Variants in KCNJ6 observed in about 807,000 individuals in gnomAD.
KCNJ6 encodes potassium inwardly rectifying channel subfamily J member 6.
Under a neutral mutation model 34.2 loss-of-function variants are expected in KCNJ6, and 9 were observed. The observed-to-expected ratio is 0.26, with a 90% confidence interval of 0.16 to 0.46. The LOEUF (loss-of-function observed/expected upper bound fraction) is 0.46. KCNJ6 is among the 20% of genes least tolerant of loss of function. The probability of loss-of-function intolerance (pLI) is 1.00; values close to 1 mark genes in which losing one functional copy is unlikely to be tolerated. For synonymous variants in KCNJ6, 196 were observed against 207.1 expected (o/e 0.95, Z 0.46); for missense variants, 236 against 531.3 (o/e 0.44, Z 5.46).
intron 1 of KCNJ6, among the ~76,000 whole-genome samples, chr21:37,861,454 C>T (rs774146899): frequency 3.3e-5 from 5 of 152,192 alleles, no homozygotes; most frequent in Non-Finnish European, 7.3e-5. Flanking sequence ...CATTTTACCT[C>T]TATCACTTCT....
intron 1 of KCNJ6, among the ~76,000 whole-genome samples, chr21:37,890,341 TC>T (rs979394839): frequency 6.6e-5 from 10 of 152,100 alleles, no homozygotes; most frequent in African/African-American, 2.4e-4. Context: ...TTCAATTACT[TC>T]CCACCAGGTC....
intron 2 of KCNJ6, among the ~76,000 whole-genome samples, chr21:37,773,217 G>T (rs924790707): frequency 6.6e-6 from 1 of 152,152 alleles, no homozygotes; most frequent in African/African-American, 2.4e-5. Flanking sequence ...GCTGTGAAAG[G>T]CTGGGAGGTA....
Position 37,726,690 on chromosome 21 carries a change from G to A in KCNJ6, c.26-11559C>T, listed in dbSNP as rs138071209. 2.6e-5 allele frequency among the ~76,000 whole-genome samples: 4 copies of A among 152,264 alleles called. No individual in the cohort carries two copies. The East Asian group carries it at 5.8e-4, about 22-fold the overall frequency. ...GTTGTAAGTTTCTGTGGGTGTCTTTGCTTTCTCTTTTAATTCTTCTATTTA... is the reference window on the plus strand; with the variant it reads ...GTTGTAAGTTTCTGTGGGTGTCTTTACTTTCTCTTTTAATTCTTCTATTTA... On this transcript the variant is annotated intron_variant, in intron 2 of 3. Transcript: ENST00000609713.
intron 2 of KCNJ6, among the ~76,000 whole-genome samples, chr21:37,749,396 G>T (rs565997898): frequency 4.6e-5 from 7 of 152,276 alleles, no homozygotes; most frequent in African/African-American, 1.7e-4. Flanking sequence ...CACACCCTCC[G>T]CTCGTGGACA....
rs533375252 is a variant in KCNJ6 at position 37,619,217 on chromosome 21, C to G, written c.*5942G>C. ...CCATAGAACTAAAAAGATAAGGAACCTAGCTTGGCTGACTACCTCTGGCAT... is the reference window on the plus strand; with the variant it reads ...CCATAGAACTAAAAAGATAAGGAACGTAGCTTGGCTGACTACCTCTGGCAT... On this transcript the variant is annotated 3_prime_UTR_variant, in exon 4 of 4. Coordinates refer to ENST00000609713, the MANE Select transcript of KCNJ6 (RefSeq NM_002240.5). 5.5e-4 allele frequency: 83 copies of G among 152,224 alleles called. No individual in the cohort carries two copies. Among genetic ancestry groups the G allele is most frequent in the African/African-American group, 2.0e-3 (82 of 41,532 alleles). 9.4% of individuals were successfully genotyped at this position (152,224 alleles called of 1,614,324 possible).
intron 1 of KCNJ6, among the ~76,000 whole-genome samples, chr21:37,893,647 T>C (rs1364845039): frequency 6.6e-6 from 1 of 151,796 alleles, no homozygotes; most frequent in Non-Finnish European, 1.5e-5. Context: ...TTTTTTTTTT[T>C]CCTCTGCCTT....
chr21:37,669,670 T>G (rs2054533249), intron 3 of KCNJ6, among the ~76,000 whole-genome samples: 2 of 151,412 alleles, frequency 1.3e-5, no homozygotes, highest in Admixed American at 6.6e-5. Context: ...ATTTTCATGA[T>G]GCTGAATCTA....
rs1569428653 is a variant in KCNJ6 at position 37,612,019 on chromosome 21, T to C, written c.*13140A>G. 1.3e-5 allele frequency: 2 copies of C among 152,008 alleles called. No individual in the cohort carries two copies. The highest frequency in any genetic ancestry group is 2.9e-5 in the Non-Finnish European group (2 of 67,992). 9.4% of individuals were successfully genotyped at this position (152,008 alleles called of 1,614,324 possible). A position where few individuals can be genotyped will look rare whatever the true frequency, so the allele number is the denominator to read the frequency against. ...AGGAAAGGAAATAAAAATATATAGA[T>C]TGGGAAGAAAGAAGAAATAAAACTT... On this transcript the variant is annotated 3_prime_UTR_variant, in exon 4 of 4. Transcript: ENST00000609713.
intron 3 of KCNJ6, among the ~76,000 whole-genome samples, chr21:37,648,429 G>A (rs986670602): frequency 2.0e-5 from 3 of 152,180 alleles, no homozygotes; most frequent in Non-Finnish European, 2.9e-5. Flanking sequence ...ACTGGCACAC[G>A]TTATAGACAT....
intron 1 of KCNJ6, among the ~76,000 whole-genome samples, chr21:37,856,709 T>C (rs2055566922): frequency 2.0e-5 from 3 of 152,184 alleles, no homozygotes; most frequent in Admixed American, 1.3e-4. Flanking sequence ...ATGTGTATTA[T>C]ATTATTCTTG....
At chr21:37,725,271 T>C (rs897168981) in intron 2 of KCNJ6, among the ~76,000 whole-genome samples, 3 of 152,172 alleles carry the variant, frequency 2.0e-5, no homozygotes, top group African/African-American at 7.2e-5. Flanking sequence ...TGCGTGCTGG[T>C]AATCCCAGCT....
At chr21:37,684,095 C>T (rs778112451) in intron 3 of KCNJ6, among the ~76,000 whole-genome samples, 3 of 152,198 alleles carry the variant, frequency 2.0e-5, no homozygotes, top group Non-Finnish European at 2.9e-5. Flanking sequence ...GCTGTCATAA[C>T]GAAGTATCAC....
At chr21:37,745,072 GTTTTTTTTTTTTTTTTTTTTTTTTTT>G (rs58661633) in intron 2 of KCNJ6, among the ~76,000 whole-genome samples, 2 of 89,454 alleles carry the variant, frequency 2.2e-5, no homozygotes, top group Non-Finnish European at 4.2e-5. Flanking sequence ...AACGTTGCTG[GTTTTTTTTTTTTTTTTTTTTTTTTTT>G]TTTTTTTTTT....
At chr21:37,762,747 C>T (rs901289240) in intron 2 of KCNJ6, among the ~76,000 whole-genome samples, 3 of 152,134 alleles carry the variant, frequency 2.0e-5, no homozygotes, top group Non-Finnish European at 4.4e-5. Flanking sequence ...TCAGCTGTGG[C>T]TCCCAGGCCA....
At chr21:37,822,733 T>C (rs745719993) in intron 2 of KCNJ6, among the ~76,000 whole-genome samples, 1 of 152,204 alleles carries the variant, frequency 6.6e-6, no homozygotes, top group African/African-American at 2.4e-5. Flanking sequence ...AAACCCACTA[T>C]TGGTCTCAGG....
chr21:37,868,937 G>C (rs950114760), intron 1 of KCNJ6, among the ~76,000 whole-genome samples: 1 of 152,198 alleles, frequency 6.6e-6, no homozygotes, highest in African/African-American at 2.4e-5. Flanking sequence ...CTGTGTGTTT[G>C]GTGTTTCACT....
At chr21:37,644,531 C>A (rs1459634570) in intron 3 of KCNJ6, among the ~76,000 whole-genome samples, 2 of 152,108 alleles carry the variant, frequency 1.3e-5, no homozygotes, top group Non-Finnish European at 1.5e-5. Context: ...GGGTAATTTA[C>A]TTGTTGGAAG....
intron 1 of KCNJ6, among the ~76,000 whole-genome samples, chr21:37,899,368 G>A (rs556648406): frequency 6.6e-6 from 1 of 152,298 alleles, no homozygotes; most frequent in African/African-American, 2.4e-5. Context: ...CTAGAAAAGC[G>A]ATTGTTAAGG....
chr21:37,867,141 A>AT (rs575040705), intron 1 of KCNJ6, among the ~76,000 whole-genome samples: 2 of 152,218 alleles, frequency 1.3e-5, no homozygotes, highest in Non-Finnish European at 2.9e-5. Context: ...CTTTTGTAAC[A>AT]TTTATATGAT....
Sources: allele counts gnomAD v4.1 joint callset (sites outside exome capture counted in the v4.1 genomes callset), GRCh38; gene constraint gnomAD v4.1.1; transcripts MANE v1.5; gene names NCBI Gene and HGNC (gene_info 2026-07-23, HGNC 2026-07-21).